CNOT1: variants seen among roughly 807,000 people sequenced by gnomAD.
The protein encoded by CNOT1 is CCR4-associated factor 1.
In CNOT1, 15 loss-of-function variants were observed where a neutral mutation model predicts 273.8. The ratio of observed to expected loss-of-function variants is 0.05; its 90% confidence interval spans 0.04 to 0.08. CNOT1 has a LOEUF of 0.08. CNOT1 is among the 10% of genes least tolerant of loss of function. The pLI, the probability that CNOT1 is intolerant of heterozygous loss-of-function variation, is 1.00. For synonymous variants in CNOT1, 1,022 were observed against 1,005.5 expected (o/e 1.02, Z -0.31); for missense variants, 1,644 against 2,912.2 (o/e 0.56, Z 10.02).
intron 1 of CNOT1, among the ~76,000 whole-genome samples, chr16:58,608,638 AATT>A (rs1349519753): frequency 7.7e-6 from 1 of 130,592 alleles, no homozygotes; most frequent in African/African-American, 3.1e-5. Flanking sequence ...GAAGAAAAGA[AATT>A]ATTATACAAA....
At chr16:58,534,887 C>T (rs1385689570) in intron 39 of CNOT1, among the ~76,000 whole-genome samples, 1 of 152,000 alleles carries the variant, frequency 6.6e-6, no homozygotes, top group Admixed American at 6.6e-5. Context: ...CCAGAAAAAT[C>T]AATAATTTGT....
intron 2 of CNOT1, 80 bp downstream of exon 2, chr16:58,599,156 T>A: frequency 6.3e-7 from 1 of 1,580,990 alleles, no homozygotes; most frequent in Non-Finnish European, 8.7e-7. Context: ...TCATGCAACA[T>A]GCCCACATAA....
intron 16 of CNOT1, among the ~76,000 whole-genome samples, chr16:58,570,509 C>G (rs2041231159): frequency 6.6e-6 from 1 of 152,110 alleles, no homozygotes; most frequent in South Asian, 2.1e-4. Flanking sequence ...TGTGGTGGCA[C>G]ATGTTTGTGG....
chr16:58,587,104 T>C lies in CNOT1; in HGVS notation c.433+97A>G, dbSNP rs2041899481. 29 of 1,463,072 alleles carry C rather than the reference T, an allele frequency of 2.0e-5. 2 individuals are homozygous for C. In the South Asian group the frequency reaches 3.6e-4, roughly 18 times the overall value. 90.6% of individuals were successfully genotyped at this position (1,463,072 alleles called of 1,614,324 possible). A position where few individuals can be genotyped will look rare whatever the true frequency, so the allele number is the denominator to read the frequency against. ...AGATAAAGAGAAATTAATTTCAGAT[T>C]ATCTTACTCTCTAAGTCTAAATCAC... On this transcript the variant is annotated intron_variant, in intron 6 of 48. Coordinates refer to ENST00000317147, the MANE Select transcript of CNOT1 (RefSeq NM_016284.5).
rs1304495537 is a variant in CNOT1, at chr16:58,621,917, A to C, written c.-175+7811T>G. Among the ~76,000 whole-genome samples the C allele has an allele frequency of 3.7e-4, 4 of 10,788 alleles. No individual in the cohort carries two copies. The East Asian group carries it at 5.2e-3, about 14-fold the overall frequency. The allele number at this position is 10,788 out of a possible 152,430, so 7.1% of individuals were successfully genotyped here. A position where few individuals can be genotyped will look rare whatever the true frequency, so the allele number is the denominator to read the frequency against. On this transcript the variant is annotated intron_variant, in intron 1 of 48. Transcript: ENST00000317147. ...CGGAAAGAGACTCCGTCTCAAAAAA[A>C]AAAAAAAAAAAAAAAAAGAAGATAC... is the stretch of plus-strand genomic sequence containing the variant.
intron 1 of CNOT1, among the ~76,000 whole-genome samples, chr16:58,617,979 G>A (rs752823252): frequency 2.0e-5 from 3 of 152,244 alleles, no homozygotes; most frequent in South Asian, 2.1e-4. Flanking sequence ...GCACTAGAGC[G>A]TGGGTAACAG....
chr16:58,602,209 C>G (rs953964891), intron 1 of CNOT1, among the ~76,000 whole-genome samples: 4 of 151,928 alleles, frequency 2.6e-5, no homozygotes, highest in Non-Finnish European at 5.9e-5. Context: ...GCTGGGATTA[C>G]TGGCATGTGC....
chr16:58,598,767 A>T (rs953829400), intron 2 of CNOT1, among the ~76,000 whole-genome samples: 9 of 152,000 alleles, frequency 5.9e-5, no homozygotes, highest in Non-Finnish European at 1.0e-4. Context: ...AAATCTTTTT[A>T]AAAAAAAGAT....
intron 1 of CNOT1, among the ~76,000 whole-genome samples, chr16:58,628,674 T>C (rs2152063158): frequency 6.6e-6 from 1 of 152,244 alleles, no homozygotes; most frequent in South Asian, 2.1e-4. Flanking sequence ...TAAGCATTGT[T>C]ACTCAGTTTT....
In CNOT1 at chr16:58,571,293, T is replaced by C. The variant is rs1366539205; in HGVS notation, c.1979+3316A>G. On this transcript the variant is annotated intron_variant, in intron 16 of 48. Transcript: ENST00000317147. ...CATTAAGGCCGGGCACGGTGGCTCA[T>C]GACCATAATCCCAGCACTTTGAGAG... Among the ~76,000 whole-genome samples the C allele has an allele frequency of 2.0e-5, 3 of 152,146 alleles. No individual in the cohort carries two copies. The East Asian group carries it at 5.8e-4, about 29-fold the overall frequency.
At chr16:58,590,672 G>A (rs139398186) in intron 2 of CNOT1, among the ~76,000 whole-genome samples, 21 of 152,278 alleles carry the variant, frequency 1.4e-4, no homozygotes, top group African/African-American at 4.3e-4. Flanking sequence ...GGCTGAGGCA[G>A]GAGGATCACA....
At position 58,543,620 on chromosome 16, in the gene CNOT1, G is replaced by A. The variant is rs370652995; in HGVS notation, c.4421C>T (p.Ala1474Val). Residue 1474 changes from alanine to valine, a missense_variant, in exon 31 of 49, where the codon GCC (alanine) becomes GTC (valine). Coordinates refer to ENST00000317147, the MANE Select transcript of CNOT1 (RefSeq NM_016284.5). ...TAGCCAACTTACACGAAGGGCTGAG[G>A]CAAAACTGTTTTTTAAGTTGGTAGA... ...SISTNLKNSF[A>V]SALRTASPQQ... is the part of the protein sequence containing the mutation. 4.3e-6 allele frequency: 7 copies of A among 1,614,060 alleles called. No homozygotes were observed. The highest frequency in any genetic ancestry group is 5.9e-6 in the Non-Finnish European group (7 of 1,180,038).
At chr16:58,606,170 A>G (rs2042669538) in intron 1 of CNOT1, among the ~76,000 whole-genome samples, 1 of 152,142 alleles carries the variant, frequency 6.6e-6, no homozygotes, top group South Asian at 2.1e-4. Context: ...TGGGAGGCCA[A>G]GGCAGGAAGA....
Position 58,557,977 on chromosome 16 carries a change from C to T in CNOT1, c.2332+496G>A, listed in dbSNP as rs148016580. Reference sequence around the variant, plus strand: ...TGCACTCCAGCCTGGGCAACAAGAGCGAAACCCTGTCCCCCACTACCCAAA... The same window carrying T: ...TGCACTCCAGCCTGGGCAACAAGAGTGAAACCCTGTCCCCCACTACCCAAA... On this transcript the variant is annotated intron_variant, in intron 18 of 48. Coordinates refer to ENST00000317147, the MANE Select transcript of CNOT1 (RefSeq NM_016284.5). Among the ~76,000 whole-genome samples the T allele has an allele frequency of 3.9e-3, 598 of 151,946 alleles. 7 individuals carry two copies. The highest frequency in any genetic ancestry group is 3.2e-3 in the Non-Finnish European group (217 of 67,942).
intron 2 of CNOT1, among the ~76,000 whole-genome samples, chr16:58,595,721 G>A (rs1388445866): frequency 6.6e-6 from 1 of 152,134 alleles, no homozygotes; most frequent in African/African-American, 2.4e-5. Flanking sequence ...CTCCAGGGAA[G>A]GGGCCCTAAT....
At position 58,560,003 on chromosome 16, in the gene CNOT1, AT is replaced by A. The variant is rs1372457679; in HGVS notation, c.2130+208del. ...TCATTTACCTAAATAAATTGTCTGT[AT>A]ATTTCCTCTTAGAGTCACGTTCTAT... On this transcript the variant is annotated intron_variant, in intron 17 of 48. Coordinates refer to ENST00000317147, the MANE Select transcript of CNOT1 (RefSeq NM_016284.5). 31 of 1,362,326 alleles carry A rather than the reference AT, an allele frequency of 2.3e-5. No individual in the cohort carries two copies. The African/African-American group carries it at 4.5e-4, about 20-fold the overall frequency. 84.4% of individuals were successfully genotyped at this position (1,362,326 alleles called of 1,614,324 possible).
chr16:58,521,785 C>G (rs1383855595), intron 47 of CNOT1, among the ~76,000 whole-genome samples: 1 of 151,922 alleles, frequency 6.6e-6, no homozygotes, highest in Non-Finnish European at 1.5e-5. Flanking sequence ...AACCCCATCT[C>G]TGCTACAAAT....
intron 3 of CNOT1, 149 bp from the exon 4 acceptor site, chr16:58,588,027 G>A (rs757961753): frequency 1.6e-4 from 134 of 819,296 alleles, no homozygotes; most frequent in Non-Finnish European, 2.2e-4. Flanking sequence ...CGCCAGGTGC[G>A]GTGGTTGACA....
Position 58,537,007 on chromosome 16 carries a change from G to A in CNOT1, c.5628C>T (p.Phe1876=), listed in dbSNP as rs1160701282. 2 of 1,614,136 alleles carry A rather than the reference G, an allele frequency of 1.2e-6. No homozygotes were observed. The highest frequency in any genetic ancestry group is 1.7e-5 in the Admixed American group (1 of 59,996). ...AAAGRDSTKA[F]SAFVGQMHQQ... ...GCTCTACCTGTCCAACAAATGCAGAGAAAGCTTTGGTACTGTCGCGGCCAG... is the reference window on the plus strand; with the variant it reads ...GCTCTACCTGTCCAACAAATGCAGAAAAAGCTTTGGTACTGTCGCGGCCAG... Residue 1876 remains phenylalanine (F), a synonymous_variant, in exon 39 of 49, where the codon TTC becomes TTT. Coordinates refer to ENST00000317147, the MANE Select transcript of CNOT1 (RefSeq NM_016284.5).
Sources: allele counts gnomAD v4.1 joint callset (sites outside exome capture counted in the v4.1 genomes callset), GRCh38; gene constraint gnomAD v4.1.1; transcripts MANE v1.5; gene names NCBI Gene and HGNC (gene_info 2026-07-23, HGNC 2026-07-21).